The following ZCCHC9 variants were observed in gnomAD, a reference collection of about 807,000 sequenced individuals.
ZCCHC9 encodes zinc finger CCHC-type containing 9.
A neutral mutation model predicts 30.8 loss-of-function variants in ZCCHC9; 18 were observed. The ratio of observed to expected loss-of-function variants is 0.58; its 90% confidence interval spans 0.40 to 0.87. ZCCHC9 has a LOEUF of 0.87. Among genes scored for constraint, ZCCHC9 ranks in the 40% least tolerant of loss-of-function variants. ZCCHC9 has a pLI of 0.00. For synonymous variants in ZCCHC9, 94 were observed against 106.7 expected (o/e 0.88, Z 0.73); for missense variants, 279 against 331.2 (o/e 0.84, Z 1.22).
At position 81,305,020 on chromosome 5, in the gene ZCCHC9, A is replaced by G. The variant is rs2112868907; in HGVS notation, c.263A>G (p.Asn88Ser). 1.2e-6 allele frequency: 2 copies of G among 1,614,226 alleles called. No homozygotes were observed. Among genetic ancestry groups the G allele is most frequent in the Non-Finnish European group, 1.7e-6 (2 of 1,180,040 alleles). Residue 88 changes from asparagine (N) to serine (S), a missense_variant, in exon 2 of 6, where the codon AAT becomes AGT. Transcript: ENST00000407610. ...YLRQNSQMVHNGQIIATDSEE... is the reference protein window; with the variant it reads ...YLRQNSQMVHSGQIIATDSEE... ...AGACAGAATTCACAGATGGTTCACA[A>G]TGGGCAAATTATAGCAACAGACAGT... is the stretch of plus-strand genomic sequence containing the variant.
chr5:81,312,676 T>G lies in ZCCHC9; in HGVS notation c.*14T>G. ...GTTAATTTTTGATAACAGCTAGCAC[T>G]ATCATGAGTTACTACCTCATTGTTA... is the stretch of plus-strand genomic sequence containing the variant. On this transcript the variant is annotated 3_prime_UTR_variant, in exon 6 of 6. Coordinates refer to ENST00000407610, the MANE Select transcript of ZCCHC9 (RefSeq NM_001131035.2). 1 of 1,558,080 alleles carries G rather than the reference T, an allele frequency of 6.4e-7. No individual in the cohort carries two copies. The highest frequency in any genetic ancestry group is 8.8e-7 in the Non-Finnish European group (1 of 1,130,096).
At chr5:81,304,717 A>G (rs1208700559) in intron 1 of ZCCHC9, 24 bp from the exon 2 acceptor site, 11 of 1,527,022 alleles carry the variant, frequency 7.2e-6, no homozygotes, top group African/African-American at 1.4e-5. Context: ...CTAACCACCC[A>G]TGCTTGTCTT....
At position 81,308,665 on chromosome 5, in the gene ZCCHC9, A is replaced by C. The variant is rs760768344; in HGVS notation, c.489A>C (p.Thr163=). Residue 163 remains threonine (T), a synonymous_variant, in exon 3 of 6, where the codon ACA becomes ACC. Transcript: ENST00000407610. ...GGATATGTTACAGGTGTGGGTCCAC[A>C]GAGCACGAAATAACCAAGTGTAAGG... ...GTGICYRCGS[T]EHEITKCKAK... The C allele has an allele frequency of 6.2e-7, 1 of 1,613,690 alleles. No individual in the cohort carries two copies. Among genetic ancestry groups the C allele is most frequent in the Admixed American group, 1.7e-5 (1 of 59,890 alleles).
intron 4 of ZCCHC9, among the ~76,000 whole-genome samples, chr5:81,310,805 T>C (rs1050285173): frequency 2.0e-5 from 3 of 152,206 alleles, no homozygotes; most frequent in Non-Finnish European, 2.9e-5. Flanking sequence ...TTTTGGGCCA[T>C]TGACTGTTTG....
rs200630551 is a variant in ZCCHC9 at position 81,308,947 on chromosome 5, C to G, written c.537C>G (p.Gly179=). The G allele has an allele frequency of 6.2e-7, 1 of 1,611,876 alleles. No individual in the cohort carries two copies. The highest frequency in any genetic ancestry group is 1.3e-5 in the African/African-American group (1 of 74,826). ...KCKAKVDPAL[G]EFPFAKCFVC... ...AATAGGAACTGTTGATTTTTACAGGCGAATTTCCTTTTGCAAAATGTTTTG... is the reference window on the plus strand; with the variant it reads ...AATAGGAACTGTTGATTTTTACAGGGGAATTTCCTTTTGCAAAATGTTTTG... Residue 179 remains glycine (G), a splice_region_variant and synonymous_variant, in exon 4 of 6, where the codon GGC becomes GGG. Coordinates refer to ENST00000407610, the MANE Select transcript of ZCCHC9 (RefSeq NM_001131035.2).
At chr5:81,305,344 G>A (rs1456635064) in intron 2 of ZCCHC9, among the ~76,000 whole-genome samples, 1 of 152,150 alleles carries the variant, frequency 6.6e-6, no homozygotes, top group Non-Finnish European at 1.5e-5. Context: ...CACAGCAAAG[G>A]TGATGGCATA....
At chr5:81,303,927 G>GT (rs1393881622) in intron 1 of ZCCHC9, 1 of 152,232 alleles carries the variant, frequency 6.6e-6, no homozygotes, top group African/African-American at 2.4e-5. Context: ...TAGGTAGTAT[G>GT]TAAGTGACCA....
chr5:81,304,298 C>G (rs1293251931), intron 1 of ZCCHC9: 1 of 154,022 alleles, frequency 6.5e-6, no homozygotes, highest in Non-Finnish European at 1.4e-5. Flanking sequence ...TAGTAATCTG[C>G]TATGCAAATT....
chr5:81,308,133 T>A lies in ZCCHC9; in HGVS notation c.385-428T>A, dbSNP rs189170700. ...AATTATGTGAACTTTAAAAGAAATA[T>A]TAATTTTTTAAAATTTTGAGTACAT... On this transcript the variant is annotated intron_variant, in intron 2 of 5. Coordinates refer to ENST00000407610, the MANE Select transcript of ZCCHC9 (RefSeq NM_001131035.2). Among the ~76,000 whole-genome samples, 45 of 151,582 alleles carry A rather than the reference T, an allele frequency of 3.0e-4. No homozygotes were observed. The East Asian group carries it at 7.2e-3, about 24-fold the overall frequency.
intron 1 of ZCCHC9, 95 bp from the exon 2 acceptor site, chr5:81,304,646 C>A: frequency 9.6e-7 from 1 of 1,044,088 alleles, no homozygotes; most frequent in Non-Finnish European, 1.4e-6. Context: ...AACATATGGG[C>A]ATATGTGACA....
In ZCCHC9 at chr5:81,305,161, C is replaced by G. The variant is rs764198183; in HGVS notation, c.384+20C>G. 3.8e-6 allele frequency: 6 copies of G among 1,562,392 alleles called. No homozygotes were observed. In the Admixed American group the frequency reaches 1.2e-4, roughly 32 times the overall value. ...GCAATGGTGAGAGCATCACTTCTAC[C>G]ATGTTATTTACTTTATTTAGCTGGA... is the stretch of plus-strand genomic sequence containing the variant. On this transcript the variant is annotated intron_variant, in intron 2 of 5. Transcript: ENST00000407610.
intron 2 of ZCCHC9, 53 bp downstream of exon 2, chr5:81,305,194 C>CTTA (rs1758055147): frequency 6.5e-7 from 1 of 1,534,156 alleles, no homozygotes; most frequent in Admixed American, 2.2e-5. Flanking sequence ...GGAAACTATT[C>CTTA]TTATATTCAC....
chr5:81,308,022 A>AAAAAAAAAAATCTATCT (rs34237879), intron 2 of ZCCHC9, among the ~76,000 whole-genome samples: 1 of 68,362 alleles, frequency 1.5e-5, no homozygotes, highest in African/African-American at 5.4e-5. Flanking sequence ...AAAAAAAAAA[A>AAAAAAAAAAATCTATCT]ATCTATCTAT....
chr5:81,302,253 C>T (rs1390289141), intron 1 of ZCCHC9: 16 of 152,404 alleles, frequency 1.0e-4, no homozygotes, highest in Non-Finnish European at 2.2e-4. Context: ...GGGCAGATCT[C>T]CTGAGCTCAG....
At position 81,312,660 on chromosome 5, in the gene ZCCHC9, T is replaced by C; in HGVS notation, c.814T>C (p.Ter272ArgextTer1). The change falls in exon 6 of 6, where the codon TGA (stop) becomes CGA (arginine). Residue 272 changes from the stop codon to arginine (R), a stop_lost. Coordinates refer to ENST00000407610, the MANE Select transcript of ZCCHC9 (RefSeq NM_001131035.2). The part of the protein sequence containing the change: ...KTKIPKVVNF[*>R] ...AAAAATACCTAAAGTTGTTAATTTT[T>C]GATAACAGCTAGCACTATCATGAGT... 1 of 1,604,768 alleles carries C rather than the reference T, an allele frequency of 6.2e-7. No individual in the cohort carries two copies. The highest frequency in any genetic ancestry group is 2.2e-5 in the East Asian group (1 of 44,804).
Position 81,312,625 on chromosome 5 carries a change from A to G in ZCCHC9, c.779A>G (p.Lys260Arg). Residue 260 changes from lysine to arginine, a missense_variant, in exon 6 of 6, where the codon AAA becomes AGA. Physicochemically the swap from Lys to Arg is conservative, Grantham distance 26. Coordinates refer to ENST00000407610, the MANE Select transcript of ZCCHC9 (RefSeq NM_001131035.2). ...ATTTTGGATGTACCTAAACCGCAAA[A>G]ACCCAAAACAAAAATACCTAAAGTT... is the stretch of plus-strand genomic sequence containing the variant. The part of the protein sequence containing the change: ...EEILDVPKPQ[K>R]PKTKIPKVVN... The G allele has an allele frequency of 6.2e-7, 1 of 1,613,922 alleles. No individual in the cohort carries two copies.
chr5:81,312,366 C>T (rs1758315551), intron 5 of ZCCHC9, among the ~76,000 whole-genome samples, 178 bp from the exon 6 acceptor site: 1 of 152,286 alleles, frequency 6.6e-6, no homozygotes, highest in Middle Eastern at 3.4e-3. Context: ...GCCTGTGGTA[C>T]TCTGAAATCA....
intron 1 of ZCCHC9, chr5:81,302,955 T>C (rs1757998481): frequency 6.6e-6 from 1 of 152,086 alleles, no homozygotes; most frequent in Admixed American, 6.6e-5. Context: ...ACTGTGCTTT[T>C]TTAACTTTAT....
At chr5:81,308,454 ATAGCT>A (rs1758153041) in intron 2 of ZCCHC9, 102 bp from the exon 3 acceptor site, 4 of 1,343,096 alleles carry the variant, frequency 3.0e-6, no homozygotes, top group African/African-American at 1.5e-5. Context: ...TTTCAGAAAA[ATAGCT>A]TAATAAGATG....
Sources: gnomAD v4.1 joint callset for allele counts (sites outside exome capture counted in the v4.1 genomes callset) on GRCh38, gnomAD v4.1.1 for gene constraint, MANE v1.5 for transcripts, NCBI Gene and HGNC (gene_info 2026-07-23, HGNC 2026-07-21) for gene names.